Variants in ZNF566 observed in about 807,000 individuals in gnomAD.
ZNF566 encodes zinc finger protein 566.
ZNF566 carries 27 observed loss-of-function variants against 32.8 expected under a neutral mutation model. That is an observed-to-expected ratio of 0.82 (90% CI 0.61 to 1.14). ZNF566 has a LOEUF of 1.14. ZNF566 is among the 50% of genes most tolerant of loss of function. The pLI is 0.00. For synonymous variants in ZNF566, 154 were observed against 159.5 expected (o/e 0.97, Z 0.26); for missense variants, 402 against 490.4 (o/e 0.82, Z 1.70).
chr19:36,463,394 G>C (rs2033528410), intron 4 of ZNF566, among the ~76,000 whole-genome samples: 1 of 151,872 alleles, frequency 6.6e-6, no homozygotes, highest in Non-Finnish European at 1.5e-5. Context: ...GCCCTTTTTT[G>C]AGATAAGTTT....
At chr19:36,455,377 A>G (rs2033273482) in intron 4 of ZNF566, among the ~76,000 whole-genome samples, 1 of 152,190 alleles carries the variant, frequency 6.6e-6, no homozygotes, top group South Asian at 2.1e-4. Context: ...TTTAGGCAAT[A>G]AAAAGGAATA....
intron 4 of ZNF566, among the ~76,000 whole-genome samples, chr19:36,452,221 A>G (rs1286670530): frequency 6.6e-6 from 1 of 151,976 alleles, no homozygotes; most frequent in Non-Finnish European, 1.5e-5. Context: ...ACAAGAAATA[A>G]TTTGGTCTGG....
chr19:36,479,402 C>T (rs1402897910), intron 1 of ZNF566, among the ~76,000 whole-genome samples: 1 of 151,996 alleles, frequency 6.6e-6, no homozygotes, highest in Non-Finnish European at 1.5e-5. Flanking sequence ...CATATAGAGA[C>T]AATATATAAA....
At chr19:36,461,485 G>C (rs543850201) in intron 4 of ZNF566, among the ~76,000 whole-genome samples, 1 of 151,984 alleles carries the variant, frequency 6.6e-6, no homozygotes, top group East Asian at 1.9e-4. Flanking sequence ...TGGCCAACAC[G>C]GTAAAACCTC....
At chr19:36,451,547 C>A (rs1376653443) in intron 4 of ZNF566, among the ~76,000 whole-genome samples, 1 of 152,080 alleles carries the variant, frequency 6.6e-6, no homozygotes, top group Non-Finnish European at 1.5e-5. Context: ...ATCAGAGATA[C>A]TAGATTCAGT....
intron 4 of ZNF566, among the ~76,000 whole-genome samples, chr19:36,453,381 G>A (rs995394052): frequency 6.6e-5 from 10 of 151,116 alleles, no homozygotes; most frequent in South Asian, 2.1e-4. Flanking sequence ...GCTGAGGCAG[G>A]AGAATCACTT....
At chr19:36,488,229 G>A (rs1010052616) in intron 1 of ZNF566, among the ~76,000 whole-genome samples, 1 of 152,034 alleles carries the variant, frequency 6.6e-6, no homozygotes, top group Non-Finnish European at 1.5e-5. Flanking sequence ...ACTTATAGGT[G>A]CCAGCCACCA....
intron 1 of ZNF566, among the ~76,000 whole-genome samples, chr19:36,480,749 G>A (rs2034007689): frequency 6.6e-6 from 1 of 151,942 alleles, no homozygotes; most frequent in Admixed American, 6.6e-5. Context: ...AAGCTTCGGG[G>A]CCAGGCGTGG....
chr19:36,461,263 T>C (rs113071388), intron 4 of ZNF566, among the ~76,000 whole-genome samples: 57 of 152,342 alleles, frequency 3.7e-4, no homozygotes, highest in African/African-American at 1.3e-3. Flanking sequence ...TAGAGAACTG[T>C]AGGGGCAGCA....
At position 36,448,151 on chromosome 19, in the gene ZNF566, T is replaced by A. The variant is rs770197854; in HGVS notation, c.*826A>T. On this transcript the variant is annotated 3_prime_UTR_variant, in exon 5 of 5. Transcript: ENST00000452939. ...AACTGATAAAGACTATCCTTTGGGATATGGTCAAAGGGTACATTTGCCTTT... is the reference window on the plus strand; with the variant it reads ...AACTGATAAAGACTATCCTTTGGGAAATGGTCAAAGGGTACATTTGCCTTT... 2.6e-5 allele frequency: 4 copies of A among 152,156 alleles called. No individual in the cohort carries two copies. The highest frequency in any genetic ancestry group is 5.9e-5 in the Non-Finnish European group (4 of 67,982). The allele number at this position is 152,156 out of a possible 1,614,324, so 9.4% of individuals were successfully genotyped here. A position where few individuals can be genotyped will look rare whatever the true frequency, so the allele number is the denominator to read the frequency against.
At chr19:36,456,548 A>C (rs2033319545) in intron 4 of ZNF566, 1 of 151,206 alleles carries the variant, frequency 6.6e-6, no homozygotes, top group East Asian at 1.9e-4. Flanking sequence ...GTGAGACTCC[A>C]TCTAAAAAAA....
intron 4 of ZNF566, among the ~76,000 whole-genome samples, chr19:36,451,762 C>T (rs1340542651): frequency 1.3e-5 from 2 of 152,178 alleles, no homozygotes; most frequent in African/African-American, 2.4e-5. Context: ...AATCCCAGCA[C>T]TCTGCGGGGC....
chr19:36,485,354 T>C (rs2034134588), intron 1 of ZNF566, among the ~76,000 whole-genome samples: 1 of 148,396 alleles, frequency 6.7e-6, no homozygotes, highest in Non-Finnish European at 1.5e-5. Flanking sequence ...GGTGGAAGAA[T>C]TGCTTGAGCC....
intron 4 of ZNF566, among the ~76,000 whole-genome samples, chr19:36,471,975 C>A (rs1053282478): frequency 1.3e-5 from 2 of 152,134 alleles, no homozygotes; most frequent in African/African-American, 4.8e-5. Context: ...AACTCCTGAT[C>A]TCAGGCAATC....
Position 36,449,155 on chromosome 19 carries a change from A to G in ZNF566, c.1079T>C (p.Ile360Thr), listed in dbSNP as rs879141646. 6.2e-7 allele frequency: 1 copy of G among 1,614,108 alleles called. No individual in the cohort carries two copies. The highest frequency in any genetic ancestry group is 1.1e-5 in the South Asian group (1 of 91,082). Residue 360 changes from isoleucine to threonine, a missense_variant, in exon 5 of 5, where the codon ATT becomes ACT. Physicochemically the swap from Ile to Thr is moderately conservative, Grantham distance 89. Around this residue, in one of 3 missense-constraint regions of ZNF566, gnomAD observed 135 missense variants for 210.0 expected, o/e 0.64. Coordinates refer to ENST00000452939, the MANE Select transcript of ZNF566 (RefSeq NM_001145344.1). ...SGSDLTRHQR[I>T]HTGEKPYECK... ...TTCATAGGGTTTCTCCCCAGTATGA[A>G]TTCTCTGATGTCTAGTAAGGTCTGA...
At chr19:36,473,173 ATG>A in intron 3 of ZNF566, 157 bp downstream of exon 3, 1 of 1,095,650 alleles carries the variant, frequency 9.1e-7, no homozygotes, top group Non-Finnish European at 1.3e-6. Context: ...CAAAAACTCA[ATG>A]CAGCTTCCTT....
intron 2 of ZNF566, 77 bp from the exon 3 acceptor site, chr19:36,473,535 A>T: frequency 7.1e-7 from 1 of 1,400,434 alleles, no homozygotes. Context: ...GAAGAAAAAG[A>T]TTAAGGTAGA....
intron 1 of ZNF566, among the ~76,000 whole-genome samples, chr19:36,482,167 G>T (rs961347229): frequency 2.0e-5 from 3 of 152,108 alleles, no homozygotes; most frequent in African/African-American, 7.2e-5. Context: ...GTGCAGTGGC[G>T]CGATCTCGGC....
intron 4 of ZNF566, among the ~76,000 whole-genome samples, chr19:36,454,329 A>G (rs1175040295): frequency 6.6e-6 from 1 of 152,164 alleles, no homozygotes; most frequent in African/African-American, 2.4e-5. Context: ...AAGACATCAA[A>G]TCATACCACC....
Sources: gnomAD v4.1 joint callset for allele counts (sites outside exome capture counted in the v4.1 genomes callset) on GRCh38, gnomAD v4.1.1 for gene constraint, gnomAD v4.1.1 regional missense constraint, MANE v1.5 for transcripts, NCBI Gene and HGNC (gene_info 2026-07-23, HGNC 2026-07-21) for gene names.